The following GNB5 variants were observed in gnomAD, a reference collection of about 807,000 sequenced individuals.
The protein encoded by GNB5 is G protein subunit beta 5.
A neutral mutation model predicts 55.3 loss-of-function variants in GNB5; 37 were observed. That is an observed-to-expected ratio of 0.67 (90% CI 0.51 to 0.88). GNB5 has a LOEUF of 0.88. GNB5 is among the 40% of genes least tolerant of loss of function. The probability of loss-of-function intolerance (pLI) is 0.00; values close to 1 mark genes in which losing one functional copy is unlikely to be tolerated. For missense variants in GNB5, 476 were observed against 515.3 expected (o/e 0.92, Z 0.74); for synonymous variants, 219 against 198.5 (o/e 1.10, Z -0.87).
chr15:52,145,031 A>G (rs2033940471), intron 6 of GNB5, among the ~76,000 whole-genome samples: 1 of 152,032 alleles, frequency 6.6e-6, no homozygotes, highest in Non-Finnish European at 1.5e-5. Context: ...TGTTTTAGTG[A>G]ATTCCTGGGG....
Position 52,117,089 on chromosome 15 carries a change from A to AATTTATAT in GNB5, c.*5667_*5668insATATAAAT, listed in dbSNP as rs1243957202. ...CAGGCACCTGCCACCACGCCCAGCT[A>AATTTATAT]ATATATATATATATTTTTTTTTAGT... is the stretch of plus-strand genomic sequence containing the variant. On this transcript the variant is annotated 3_prime_UTR_variant, in exon 13 of 13. Coordinates refer to ENST00000261837, the MANE Select transcript of GNB5 (RefSeq NM_016194.4). 5.9e-5 allele frequency: 5 copies of AATTTATAT among 85,468 alleles called. No homozygotes were observed. The highest frequency in any genetic ancestry group is 4.5e-4 in the African/African-American group (4 of 8,818). The allele number at this position is 85,468 out of a possible 1,614,324, so 5.3% of individuals were successfully genotyped here.
intron 3 of GNB5, among the ~76,000 whole-genome samples, chr15:52,159,146 T>C (rs767896069): frequency 6.6e-6 from 1 of 152,116 alleles, no homozygotes; most frequent in Non-Finnish European, 1.5e-5. Context: ...ATAAACAACC[T>C]GATTGCAGAG....
intron 2 of GNB5, among the ~76,000 whole-genome samples, chr15:52,181,786 A>T (rs949882159): frequency 9.2e-5 from 14 of 152,192 alleles, no homozygotes; most frequent in African/African-American, 3.4e-4. Context: ...TTAGATATTT[A>T]GCATAGTACT....
In GNB5 at chr15:52,117,405, A is replaced by ATTG. The variant is rs2033168996; in HGVS notation, c.*5349_*5351dup. 6.6e-6 allele frequency: 1 copy of ATTG among 152,044 alleles called. No homozygotes were observed. The highest frequency in any genetic ancestry group is 2.4e-5 in the African/African-American group (1 of 41,382). 9.4% of individuals were successfully genotyped at this position (152,044 alleles called of 1,614,324 possible). ...GCTACTTGAAAATACACAGTAAATT[A>ATTG]TTGTTAGCGATAGTCACCCTACAGT... On this transcript the variant is annotated 3_prime_UTR_variant, in exon 13 of 13. Coordinates refer to ENST00000261837, the MANE Select transcript of GNB5 (RefSeq NM_016194.4).
chr15:52,179,904 G>C (rs755478347), intron 2 of GNB5, 25 bp from the exon 3 acceptor site: 18 of 1,501,756 alleles, frequency 1.2e-5, no homozygotes, highest in East Asian at 2.9e-5. Flanking sequence ...GCAGCGGAGA[G>C]GGAAGCGGAG....
At position 52,116,057 on chromosome 15, in the gene GNB5, T is replaced by C. The variant is rs918077823; in HGVS notation, c.*6700A>G. The C allele has an allele frequency of 6.6e-6, 1 of 152,244 alleles. No individual in the cohort carries two copies. The highest frequency in any genetic ancestry group is 1.5e-5 in the Non-Finnish European group (1 of 68,048). 9.4% of individuals were successfully genotyped at this position (152,244 alleles called of 1,614,324 possible). A position where few individuals can be genotyped will look rare whatever the true frequency, so the allele number is the denominator to read the frequency against. On this transcript the variant is annotated 3_prime_UTR_variant, in exon 13 of 13. Transcript: ENST00000261837. ...GGATGCGCCATATTTTGTTCATCGA[T>C]TCATCCACTGTGGAACATTGGGGCT... is the stretch of plus-strand genomic sequence containing the variant.
At chr15:52,154,330 T>A (rs1241985902) in intron 3 of GNB5, among the ~76,000 whole-genome samples, 1 of 152,234 alleles carries the variant, frequency 6.6e-6, no homozygotes, top group Non-Finnish European at 1.5e-5. Flanking sequence ...AAAGCAGTTT[T>A]ATCTATGCAT....
rs140570620 is a variant in GNB5, at chr15:52,160,216, G to A, written c.239-6140C>T. Among the ~76,000 whole-genome samples the A allele has an allele frequency of 5.0e-3, 763 of 152,272 alleles. 18 individuals carry two copies. Among genetic ancestry groups the A allele is most frequent in the Admixed American group, 0.025 (390 of 15,298 alleles). ...ACCCGCCTCTGCCTCCCAAAGTGTTGGGATTACAGGCATGAGCCACTGCGC... is the reference window on the plus strand; with the variant it reads ...ACCCGCCTCTGCCTCCCAAAGTGTTAGGATTACAGGCATGAGCCACTGCGC... On this transcript the variant is annotated intron_variant, in intron 3 of 12. Transcript: ENST00000261837.
At chr15:52,124,755 CA>C in intron 11 of GNB5, 116 bp from the exon 12 acceptor site, 1 of 856,382 alleles carries the variant, frequency 1.2e-6, no homozygotes, top group African/African-American at 1.7e-5. Flanking sequence ...GAGTCCTAGG[CA>C]CTGTGCTTTG....
Position 52,125,980 on chromosome 15 carries a change from A to G in GNB5, c.977T>C (p.Phe326Ser). ...GGAGAAGTCCACGCTGGATGCTCCA[A>G]ATATGATGCTTTCTTTGGAATAGAT... ...VAIYSKESII[F>S]GASSVDFSLS... is the part of the protein sequence containing the mutation. Residue 326 changes from phenylalanine to serine, a missense_variant, in exon 11 of 13, where the codon TTT becomes TCT. By Grantham distance (155) the Phe-to-Ser change is radical. Coordinates refer to ENST00000261837, the MANE Select transcript of GNB5 (RefSeq NM_016194.4). 6.3e-7 allele frequency: 1 copy of G among 1,576,502 alleles called. No individual in the cohort carries two copies. The highest frequency in any genetic ancestry group is 8.7e-7 in the Non-Finnish European group (1 of 1,149,520).
intron 3 of GNB5, among the ~76,000 whole-genome samples, chr15:52,175,266 C>T (rs1423675648): frequency 6.6e-6 from 1 of 152,192 alleles, no homozygotes; most frequent in East Asian, 1.9e-4. Flanking sequence ...AACCATACCC[C>T]TCTGGTGTCA....
Position 52,147,439 on chromosome 15 carries a change from C to T in GNB5, c.494+20G>A, listed in dbSNP as rs374968711. The T allele has an allele frequency of 3.4e-4, 475 of 1,416,508 alleles. No individual in the cohort carries two copies. The highest frequency in any genetic ancestry group is 4.6e-4 in the Non-Finnish European group (456 of 999,710). The allele number at this position is 1,416,508 out of a possible 1,614,324, so 87.7% of individuals were successfully genotyped here. A position where few individuals can be genotyped will look rare whatever the true frequency, so the allele number is the denominator to read the frequency against. On this transcript the variant is annotated intron_variant, in intron 6 of 12. Coordinates refer to ENST00000261837, the MANE Select transcript of GNB5 (RefSeq NM_016194.4). Reference sequence around the variant, plus strand: ...TATGGTTAACACAAATTCTGAAAAGCTGCTGTAGCTCCAACTTACCCACAA... The same window carrying T: ...TATGGTTAACACAAATTCTGAAAAGTTGCTGTAGCTCCAACTTACCCACAA...
intron 10 of GNB5, among the ~76,000 whole-genome samples, chr15:52,126,712 G>C (rs1278457779): frequency 6.6e-6 from 1 of 151,498 alleles, no homozygotes. Context: ...CCTTAGACTA[G>C]GTTTCCTTAG....
intron 7 of GNB5, among the ~76,000 whole-genome samples, chr15:52,136,172 A>ACCCC (rs1555405462): frequency 2.7e-4 from 27 of 100,118 alleles, no homozygotes; most frequent in African/African-American, 1.2e-3. Flanking sequence ...ACACACACAC[A>ACCCC]CCCTACCTGC....
At chr15:52,185,932 C>G (rs2034840473) in intron 1 of GNB5, among the ~76,000 whole-genome samples, 1 of 152,062 alleles carries the variant, frequency 6.6e-6, no homozygotes, top group Non-Finnish European at 1.5e-5. Flanking sequence ...GCATAAGACA[C>G]CATGCCAGGC....
intron 3 of GNB5, among the ~76,000 whole-genome samples, chr15:52,159,046 T>C (rs934223035): frequency 1.2e-4 from 18 of 151,928 alleles, no homozygotes; most frequent in African/African-American, 4.4e-4. Context: ...AGGTCCTAGG[T>C]GGGTACGCTA....
chr15:52,134,569 A>T (rs2033654629), intron 8 of GNB5, among the ~76,000 whole-genome samples: 1 of 152,208 alleles, frequency 6.6e-6, no homozygotes, highest in Non-Finnish European at 1.5e-5. Context: ...AGAGTTGAGG[A>T]GAGATAAATA....
intron 10 of GNB5, 122 bp downstream of exon 10, chr15:52,128,074 C>T: frequency 6.9e-6 from 4 of 583,028 alleles, no homozygotes; most frequent in South Asian, 2.4e-5. Context: ...TTTAATATTC[C>T]CCTAAATTTT....
intron 3 of GNB5, among the ~76,000 whole-genome samples, chr15:52,156,452 C>G (rs1356229928): frequency 6.6e-6 from 1 of 152,234 alleles, no homozygotes; most frequent in East Asian, 1.9e-4. Flanking sequence ...CTAAACTAGG[C>G]CAGGCACAGT....
Sources: gnomAD v4.1 joint callset for allele counts (sites outside exome capture counted in the v4.1 genomes callset) on GRCh38, gnomAD v4.1.1 for gene constraint, MANE v1.5 for transcripts, NCBI Gene and HGNC (gene_info 2026-07-23, HGNC 2026-07-21) for gene names.